Variants in PJA2 observed in about 807,000 individuals in gnomAD.
PJA2 encodes the protein E3 ubiquitin-protein ligase Praja-2.
A neutral mutation model predicts 69.3 loss-of-function variants in PJA2; 25 were observed. That is an observed-to-expected ratio of 0.36 (90% CI 0.26 to 0.50). The LOEUF is 0.50. Ranked by LOEUF, PJA2 falls within the 20% of genes least tolerant of loss-of-function variation. PJA2 has a pLI of 0.96. For synonymous variants in PJA2, 308 were observed against 277.8 expected (o/e 1.11, Z -1.08); for missense variants, 809 against 830.2 (o/e 0.97, Z 0.31).
At chr5:109,363,977 C>A (rs978179466) in intron 5 of PJA2, among the ~76,000 whole-genome samples, 1 of 151,986 alleles carries the variant, frequency 6.6e-6, no homozygotes, top group Admixed American at 6.5e-5. Flanking sequence ...CATAGTGAAA[C>A]GCTGTCTCTA....
At chr5:109,353,676 T>A (rs1276223150) in intron 7 of PJA2, among the ~76,000 whole-genome samples, 1 of 148,362 alleles carries the variant, frequency 6.7e-6, no homozygotes, top group African/African-American at 2.4e-5. Flanking sequence ...TCTACAGACA[T>A]CTATATATTA....
At chr5:109,388,584 A>G (rs558953512) in intron 1 of PJA2, among the ~76,000 whole-genome samples, 1 of 116,984 alleles carries the variant, frequency 8.5e-6, no homozygotes, top group Admixed American at 8.4e-5. Context: ...CTTCCAGAAG[A>G]AGGGTTTCAA....
At chr5:109,405,196 C>G (rs1236678675) in intron 1 of PJA2, among the ~76,000 whole-genome samples, 1 of 152,146 alleles carries the variant, frequency 6.6e-6, no homozygotes, top group Non-Finnish European at 1.5e-5. Context: ...ATAATGGTAT[C>G]AATTATTAAA....
intron 3 of PJA2, among the ~76,000 whole-genome samples, chr5:109,380,126 C>T (rs372363104): frequency 1.4e-4 from 15 of 110,898 alleles, no homozygotes; most frequent in African/African-American, 5.3e-4. Flanking sequence ...CGGAGTCTTG[C>T]TCTGTGGCCC....
In PJA2 at chr5:109,342,051, G is replaced by C. The variant is rs1424402261; in HGVS notation, c.2001+2139C>G. ...AGCCGCCCCGTCCGGGAGGGAGGTGGGGGGGTCAGCCCTCCGCCCGGCCAG... is the reference window on the plus strand; with the variant it reads ...AGCCGCCCCGTCCGGGAGGGAGGTGCGGGGGTCAGCCCTCCGCCCGGCCAG... On this transcript the variant is annotated intron_variant, in intron 9 of 9. Coordinates refer to ENST00000361189, the MANE Select transcript of PJA2 (RefSeq NM_014819.5). Among the ~76,000 whole-genome samples the C allele has an allele frequency of 2.9e-5, 4 of 138,094 alleles. No individual in the cohort carries two copies. The South Asian group carries it at 9.2e-4, about 32-fold the overall frequency. The allele number at this position is 138,094 out of a possible 152,430, so 90.6% of individuals were successfully genotyped here.
intron 1 of PJA2, among the ~76,000 whole-genome samples, chr5:109,409,514 G>A (rs1488979092): frequency 6.6e-6 from 1 of 152,140 alleles, no homozygotes; most frequent in Admixed American, 6.5e-5. Flanking sequence ...AAGTCACCAA[G>A]GACAGCAGAA....
chr5:109,349,987 G>T (rs1195780863), intron 7 of PJA2, among the ~76,000 whole-genome samples: 1 of 152,070 alleles, frequency 6.6e-6, no homozygotes, highest in Non-Finnish European at 1.5e-5. Context: ...GAACCTGCTT[G>T]CAAGAACTCA....
intron 7 of PJA2, among the ~76,000 whole-genome samples, chr5:109,354,174 ATAGAT>A (rs1195452588): frequency 7.0e-6 from 1 of 143,200 alleles, no homozygotes; most frequent in African/African-American, 2.6e-5. Context: ...AGAGATGTCT[ATAGAT>A]TAGATATCTA....
In PJA2 at chr5:109,378,956, A is replaced by T. The variant is rs1403750240; in HGVS notation, c.531T>A (p.Asp177Glu). ...CTGCAGAAAGTTGAAGATGGTCATT[A>T]TCTTCTCCATGTTTGCCATCTGGAT... ...SYDPDGKHGEDNDHLQLSAEV... is the reference protein window; with the variant it reads ...SYDPDGKHGEENDHLQLSAEV... The change falls in exon 4 of 10, where the codon GAT becomes GAA. Residue 177 changes from aspartate to glutamate, a missense_variant. Transcript: ENST00000361189. 1 of 1,614,062 alleles carries T rather than the reference A, an allele frequency of 6.2e-7. No homozygotes were observed. The highest frequency in any genetic ancestry group is 8.5e-7 in the Non-Finnish European group (1 of 1,180,038).
intron 7 of PJA2, among the ~76,000 whole-genome samples, chr5:109,354,204 A>G (rs141288688): frequency 0.033 from 1,692 of 51,514 alleles, 87 homozygotes; most frequent in South Asian, 0.055. Flanking sequence ...ATCTAGAGAT[A>G]TCTATAGATT....
rs1441576187 is a variant in PJA2 at position 109,353,449 on chromosome 5, T to TA, written c.1764+2465dup. Among the ~76,000 whole-genome samples the TA allele has an allele frequency of 1.2e-3, 84 of 71,880 alleles. 1 individual carries two copies. Among genetic ancestry groups the TA allele is most frequent in the African/African-American group, 1.9e-3 (50 of 25,942 alleles). The allele number at this position is 71,880 out of a possible 152,430, so 47.2% of individuals were successfully genotyped here. A position where few individuals can be genotyped will look rare whatever the true frequency, so the allele number is the denominator to read the frequency against. On this transcript the variant is annotated intron_variant, in intron 7 of 9. Transcript: ENST00000361189. ...TATTAGATACCTATATATAGATATC[T>TA]ATATATTAGATACCTATATCTATAG...
At chr5:109,395,471 A>G (rs1747386081) in intron 1 of PJA2, among the ~76,000 whole-genome samples, 1 of 152,146 alleles carries the variant, frequency 6.6e-6, no homozygotes, top group African/African-American at 2.4e-5. Context: ...AGGCTGAAGT[A>G]AGCCGTGATT....
At chr5:109,379,341 A>G in intron 3 of PJA2, 87 bp from the exon 4 acceptor site, 1 of 902,586 alleles carries the variant, frequency 1.1e-6, no homozygotes, top group African/African-American at 1.7e-5. Flanking sequence ...TGGAAATCAT[A>G]CCAATTATTA....
At chr5:109,350,651 T>C (rs1162802986) in intron 7 of PJA2, among the ~76,000 whole-genome samples, 1 of 152,122 alleles carries the variant, frequency 6.6e-6, no homozygotes, top group African/African-American at 2.4e-5. Flanking sequence ...CAATAACCCA[T>C]CAGGTAGATT....
At chr5:109,388,946 C>A (rs1383418716) in intron 1 of PJA2, among the ~76,000 whole-genome samples, 1 of 152,140 alleles carries the variant, frequency 6.6e-6, no homozygotes, top group Non-Finnish European at 1.5e-5. Flanking sequence ...TTAAGAACTA[C>A]AAACTTTATG....
At chr5:109,386,354 T>C (rs1463686388) in intron 1 of PJA2, among the ~76,000 whole-genome samples, 1 of 152,154 alleles carries the variant, frequency 6.6e-6, no homozygotes, top group Non-Finnish European at 1.5e-5. Flanking sequence ...TAATGGCGAA[T>C]GGCGGCACCT....
chr5:109,408,628 G>T (rs973235779), intron 1 of PJA2, among the ~76,000 whole-genome samples: 1 of 152,152 alleles, frequency 6.6e-6, no homozygotes, highest in African/African-American at 2.4e-5. Flanking sequence ...ACTTTACACT[G>T]GAGTGGGACT....
intron 7 of PJA2, among the ~76,000 whole-genome samples, chr5:109,349,567 T>A (rs537998293): frequency 1.3e-5 from 2 of 152,262 alleles, no homozygotes; most frequent in South Asian, 4.1e-4. Flanking sequence ...AACCTTCCTA[T>A]GAATAGCTTT....
intron 7 of PJA2, among the ~76,000 whole-genome samples, chr5:109,352,306 T>C (rs1167027548): frequency 1.3e-5 from 2 of 152,190 alleles, no homozygotes; most frequent in African/African-American, 4.8e-5. Context: ...TACTAAAACA[T>C]TTTATTCTCA....
Sources: allele counts gnomAD v4.1 joint callset (sites outside exome capture counted in the v4.1 genomes callset), GRCh38; gene constraint gnomAD v4.1.1; transcripts MANE v1.5; gene names NCBI Gene and HGNC (gene_info 2026-07-23, HGNC 2026-07-21).